The following SLC24A2 variants were observed in gnomAD, a reference collection of about 807,000 sequenced individuals.
SLC24A2 encodes sodium/potassium/calcium exchanger 2.
Under a neutral mutation model 62.0 loss-of-function variants are expected in SLC24A2, and 36 were observed. The observed-to-expected ratio is 0.58, with a 90% CI of 0.44 to 0.77. The LOEUF (loss-of-function observed/expected upper bound fraction) is 0.77, where lower values mean the gene tolerates loss of function less well. Ranked by LOEUF, SLC24A2 falls within the 30% of genes least tolerant of loss-of-function variation. The pLI, the probability that SLC24A2 is intolerant of heterozygous loss-of-function variation, is 0.00. For missense variants in SLC24A2, 846 were observed against 817.9 expected (o/e 1.03, Z -0.42); for synonymous variants, 358 against 294.0 (o/e 1.22, Z -2.23).
chr9:20,142,959 C>T, the SLC24A2 span, among the ~76,000 whole-genome samples: 5 of 152,232 alleles, frequency 3.3e-5, no homozygotes, highest in East Asian at 1.9e-4. Context: ...GGGCCATGCT[C>T]GCTCCATTCA....
chr9:19,966,825 T>A, the SLC24A2 span, among the ~76,000 whole-genome samples: 1 of 152,186 alleles, frequency 6.6e-6, no homozygotes, highest in Non-Finnish European at 1.5e-5. Flanking sequence ...ATATGAACTC[T>A]TTCCTCTCAA....
the SLC24A2 span, among the ~76,000 whole-genome samples, chr9:19,997,614 G>A: frequency 6.6e-6 from 1 of 152,034 alleles, no homozygotes. Flanking sequence ...GAAGGGGAGA[G>A]GTAAACAGAG....
the SLC24A2 span, among the ~76,000 whole-genome samples, chr9:19,859,274 C>T: frequency 6.6e-6 from 1 of 152,080 alleles, no homozygotes; most frequent in Non-Finnish European, 1.5e-5. Flanking sequence ...AATGTTCTCA[C>T]TTTTAAGTAG....
intron 4 of SLC24A2, among the ~76,000 whole-genome samples, chr9:19,600,862 A>T (rs1224650632): frequency 6.6e-6 from 1 of 152,174 alleles, no homozygotes; most frequent in Non-Finnish European, 1.5e-5. Context: ...GTAGGATTGA[A>T]TATGCAGGTT....
At chr9:19,989,548 C>A in the SLC24A2 span, among the ~76,000 whole-genome samples, 1 of 152,168 alleles carries the variant, frequency 6.6e-6, no homozygotes, top group African/African-American at 2.4e-5. Context: ...TTAGGTTATG[C>A]TTTATACTAA....
intron 2 of SLC24A2, among the ~76,000 whole-genome samples, chr9:19,638,264 C>T (rs539925270): frequency 6.6e-6 from 1 of 152,124 alleles, no homozygotes; most frequent in African/African-American, 2.4e-5. Flanking sequence ...TTGGAGAGCA[C>T]TGAGTTGGAG....
At chr9:19,844,239 C>G in the SLC24A2 span, among the ~76,000 whole-genome samples, 3 of 152,032 alleles carry the variant, frequency 2.0e-5, no homozygotes, top group Admixed American at 1.3e-4. Context: ...GAGATGGTAT[C>G]TCATTTGATT....
At chr9:20,014,373 T>G in the SLC24A2 span, among the ~76,000 whole-genome samples, 8 of 151,938 alleles carry the variant, frequency 5.3e-5, no homozygotes, top group Non-Finnish European at 1.2e-4. Context: ...ACCCCACTTC[T>G]GGGTATATAC....
the SLC24A2 span, among the ~76,000 whole-genome samples, chr9:19,921,568 T>C: frequency 6.6e-6 from 1 of 150,718 alleles, no homozygotes; most frequent in Non-Finnish European, 1.5e-5. Context: ...ATGTGCAATA[T>C]GCAATATTGA....
chr9:20,063,373 T>C, the SLC24A2 span, among the ~76,000 whole-genome samples: 1 of 150,976 alleles, frequency 6.6e-6, no homozygotes, highest in South Asian at 2.1e-4. Flanking sequence ...ATCATCATTC[T>C]CAGTAAACTA....
chr9:19,592,748 G>T (rs1205785426), intron 5 of SLC24A2, among the ~76,000 whole-genome samples: 1 of 152,130 alleles, frequency 6.6e-6, no homozygotes, highest in East Asian at 1.9e-4. Flanking sequence ...AATTTATTGA[G>T]AATTTTCTAG....
chr9:20,263,861 G>A, the SLC24A2 span, among the ~76,000 whole-genome samples: 7,831 of 30,928 alleles, frequency 0.25, 770 homozygotes, highest in East Asian at 0.4. Flanking sequence ...TATCCCACCC[G>A]CCCCCCCCCC....
rs778041995 is a variant in SLC24A2 at position 19,516,272 on chromosome 9, G to C, written c.1867C>G (p.Leu623Val). 2 of 1,614,184 alleles carry C rather than the reference G, an allele frequency of 1.2e-6. No individual in the cohort carries two copies. Among genetic ancestry groups the C allele is most frequent in the Non-Finnish European group, 1.7e-6 (2 of 1,180,034 alleles). ...MLLFVILSIA[L>V]CKWRMNKILG... ...ATTTTGTTCATTCGCCACTTGCAGA[G>C]GGCGATAGAGAGGATGACGAAGAGC... The change falls in exon 11 of 11, where the codon CTC (leucine) becomes GTC (valine). Residue 623 changes from leucine to valine, a missense_variant. Coordinates refer to ENST00000341998, the MANE Select transcript of SLC24A2 (RefSeq NM_020344.4).
the SLC24A2 span, among the ~76,000 whole-genome samples, chr9:20,234,254 C>T: frequency 6.6e-6 from 1 of 152,052 alleles, no homozygotes; most frequent in African/African-American, 2.4e-5. Flanking sequence ...TCTGTATTTC[C>T]TGAATTTGAA....
chr9:19,535,418 G>A (rs1469125539), intron 8 of SLC24A2, among the ~76,000 whole-genome samples: 1 of 152,144 alleles, frequency 6.6e-6, no homozygotes, highest in Non-Finnish European at 1.5e-5. Flanking sequence ...TAGACATGAA[G>A]TCTTTCCTAA....
Position 19,582,619 on chromosome 9 carries a change from A to C in SLC24A2, c.1130-5597T>G, listed in dbSNP as rs1020516506. Among the ~76,000 whole-genome samples, 4 of 152,286 alleles carry C rather than the reference A, an allele frequency of 2.6e-5. No homozygotes were observed. The South Asian group carries it at 8.3e-4, about 32-fold the overall frequency. On this transcript the variant is annotated intron_variant, in intron 5 of 10. Transcript: ENST00000341998. The stretch of plus-strand genomic sequence containing the variant: ...CTGCCTTTCTTGTCTCTTTCTTTGA[A>C]GTTTATGGCTTGCCAGGTAGCTTAA...
At chr9:20,199,933 G>A in the SLC24A2 span, among the ~76,000 whole-genome samples, 2 of 132,662 alleles carry the variant, frequency 1.5e-5, no homozygotes, top group African/African-American at 5.7e-5. Flanking sequence ...GTTTCACGAT[G>A]TTGGCCAGGC....
chr9:19,948,916 T>C, the SLC24A2 span, among the ~76,000 whole-genome samples: 4 of 152,118 alleles, frequency 2.6e-5, no homozygotes, highest in Non-Finnish European at 4.4e-5. Context: ...AAAATGTTTA[T>C]TGTTTATTCA....
chr9:19,591,042 C>A (rs999949229), intron 5 of SLC24A2, among the ~76,000 whole-genome samples: 3 of 152,176 alleles, frequency 2.0e-5, no homozygotes, highest in Admixed American at 2.0e-4. Context: ...CTGGGCCTCC[C>A]CTTTTTTCCC....
Sources: allele counts gnomAD v4.1 joint callset (sites outside exome capture counted in the v4.1 genomes callset), GRCh38; gene constraint gnomAD v4.1.1; transcripts MANE v1.5; gene names NCBI Gene and HGNC (gene_info 2026-07-23, HGNC 2026-07-21).